The following AP2B1 variants were observed in gnomAD, a reference collection of about 807,000 sequenced individuals.
AP2B1 encodes the protein adaptor related protein complex 2 subunit beta 1.
In AP2B1, 23 loss-of-function variants were observed where a neutral mutation model predicts 102.0. The ratio of observed to expected loss-of-function variants is 0.23; its 90% CI spans 0.16 to 0.32. The LOEUF (loss-of-function observed/expected upper bound fraction) is 0.32, where lower values mean the gene tolerates loss of function less well. Among genes scored for constraint, AP2B1 ranks in the 10% least tolerant of loss-of-function variants. The pLI, the probability that AP2B1 is intolerant of heterozygous loss-of-function variation, is 1.00. For missense variants in AP2B1, 541 were observed against 1,157.4 expected, an observed-to-expected ratio of 0.47 and a Z score of 7.73; for synonymous variants, 381 against 421.2, an observed-to-expected ratio of 0.90 and a Z score of 1.17.
chr17:35,672,995 C>G (rs1437029807), intron 16 of AP2B1, among the ~76,000 whole-genome samples: 1 of 152,120 alleles, frequency 6.6e-6, no homozygotes, highest in African/African-American at 2.4e-5. Context: ...TGGTTTTTCT[C>G]TACCATATTC....
chr17:35,638,789 GAAAAA>G (rs11286699), intron 10 of AP2B1, among the ~76,000 whole-genome samples: 2 of 110,544 alleles, frequency 1.8e-5, no homozygotes, highest in African/African-American at 3.5e-5. Flanking sequence ...ACTCCGTCTT[GAAAAA>G]AAAAAAAAAA....
chr17:35,656,763 T>C (rs1246118620), intron 13 of AP2B1, among the ~76,000 whole-genome samples: 1 of 151,706 alleles, frequency 6.6e-6, no homozygotes, highest in Non-Finnish European at 1.5e-5. Flanking sequence ...TGGGCGCCTG[T>C]AGTCCCAACT....
chr17:35,670,908 A>G lies in AP2B1; in HGVS notation c.2031+10A>G, dbSNP rs775494023. ...TGGAGGAAGTCCGGCAGTAAGTGCC[A>G]TCTGTTTTTTTCACCATGAGAAGCA... On this transcript the variant is annotated intron_variant, in intron 15 of 21. Coordinates refer to ENST00000610402, the MANE Select transcript of AP2B1 (RefSeq NM_001030006.2). 17 of 1,613,764 alleles carry G rather than the reference A, an allele frequency of 1.1e-5. No individual in the cohort carries two copies. The highest frequency in any genetic ancestry group is 1.7e-6 in the Non-Finnish European group (2 of 1,179,946).
chr17:35,715,318 A>T (rs1041840416), intron 20 of AP2B1, among the ~76,000 whole-genome samples: 2 of 152,230 alleles, frequency 1.3e-5, no homozygotes, highest in Non-Finnish European at 2.9e-5. Context: ...AGAGACAGAG[A>T]GAGTTTCTTA....
chr17:35,677,860 G>GTTT (rs35198677), intron 17 of AP2B1, among the ~76,000 whole-genome samples: 1 of 127,974 alleles, frequency 7.8e-6, no homozygotes, highest in Admixed American at 7.7e-5. Context: ...ATAGTAAATA[G>GTTT]TTTTTTTTTT....
intron 18 of AP2B1, among the ~76,000 whole-genome samples, chr17:35,687,290 T>A (rs1008127099): frequency 1.3e-5 from 2 of 151,972 alleles, no homozygotes; most frequent in Admixed American, 6.6e-5. Flanking sequence ...TTATATTTTT[T>A]AAAATTTTTT....
At chr17:35,605,365 C>T (rs2073640074) in intron 3 of AP2B1, among the ~76,000 whole-genome samples, 1 of 151,876 alleles carries the variant, frequency 6.6e-6, no homozygotes, top group Admixed American at 6.6e-5. Context: ...TCTCCTGTCT[C>T]AGCCTCCTGA....
At chr17:35,600,633 A>G (rs2142348898) in intron 3 of AP2B1, among the ~76,000 whole-genome samples, 1 of 152,346 alleles carries the variant, frequency 6.6e-6, no homozygotes, top group Admixed American at 6.5e-5. Context: ...AAAAATAAAA[A>G]AGCAGTGTCA....
At chr17:35,664,815 A>G (rs529792504) in intron 14 of AP2B1, among the ~76,000 whole-genome samples, 5 of 152,298 alleles carry the variant, frequency 3.3e-5, no homozygotes, top group Middle Eastern at 3.4e-3. Context: ...CAGAATAAAG[A>G]GGTTCTCTTG....
At chr17:35,694,870 AAG>A in intron 18 of AP2B1, among the ~76,000 whole-genome samples, 1 of 152,258 alleles carries the variant, frequency 6.6e-6, no homozygotes, top group East Asian at 1.9e-4. Flanking sequence ...GGAACAGAGC[AAG>A]ACTTCATCTC....
At chr17:35,624,891 T>A (rs1371336901) in intron 6 of AP2B1, among the ~76,000 whole-genome samples, 1 of 152,166 alleles carries the variant, frequency 6.6e-6, no homozygotes, top group African/African-American at 2.4e-5. Context: ...GTATCTCTCT[T>A]TGGGGTGACA....
chr17:35,614,655 TAAAAAAAAA>T (rs3031833), intron 5 of AP2B1, among the ~76,000 whole-genome samples: 2 of 93,168 alleles, frequency 2.1e-5, no homozygotes, highest in Non-Finnish European at 4.0e-5. Context: ...GTTGAATTAG[TAAAAAAAAA>T]AAAAAAAAAA....
chr17:35,645,800 G>T (rs1469543461), intron 12 of AP2B1, among the ~76,000 whole-genome samples: 1 of 152,180 alleles, frequency 6.6e-6, no homozygotes, highest in Non-Finnish European at 1.5e-5. Context: ...AGTGAGCCAA[G>T]ATCGTGCCAT....
rs1480168759 is a variant in AP2B1 at position 35,724,649 on chromosome 17, C to G, written c.*950C>G. ...TAATAACTTATCTAACCCTCTTTTCCTACAAAGGAGAAAGATAAAAGGCAC... is the reference window on the plus strand; with the variant it reads ...TAATAACTTATCTAACCCTCTTTTCGTACAAAGGAGAAAGATAAAAGGCAC... On this transcript the variant is annotated 3_prime_UTR_variant, in exon 22 of 22. Coordinates refer to ENST00000610402, the MANE Select transcript of AP2B1 (RefSeq NM_001030006.2). 1 of 152,138 alleles carries G rather than the reference C, an allele frequency of 6.6e-6. No individual in the cohort carries two copies. Among genetic ancestry groups the G allele is most frequent in the Non-Finnish European group, 1.5e-5 (1 of 68,036 alleles). The allele number at this position is 152,138 out of a possible 1,614,324, so 9.4% of individuals were successfully genotyped here. A position where few individuals can be genotyped will look rare whatever the true frequency, so the allele number is the denominator to read the frequency against.
chr17:35,670,935 T>C, intron 15 of AP2B1, 37 bp downstream of exon 15: 1 of 1,609,646 alleles, frequency 6.2e-7, no homozygotes, highest in Non-Finnish European at 8.5e-7. Context: ...TGAGAAGCAC[T>C]GCCCCCTGTT....
At chr17:35,606,298 G>C (rs1277070395) in intron 4 of AP2B1, among the ~76,000 whole-genome samples, 110 of 150,984 alleles carry the variant, frequency 7.3e-4, no homozygotes, top group Admixed American at 7.2e-3. Flanking sequence ...GGAGTGCAGT[G>C]GCACGATCTT....
At chr17:35,678,959 GTTGT>G (rs71366473) in intron 17 of AP2B1, among the ~76,000 whole-genome samples, 94,101 of 151,006 alleles carry the variant, frequency 0.62, 29,345 homozygotes, top group Non-Finnish European at 0.65. Flanking sequence ...AGCTAGCATT[GTTGT>G]TTGTTTGTTT....
At chr17:35,717,953 C>T (rs2085227513) in intron 21 of AP2B1, among the ~76,000 whole-genome samples, 1 of 152,180 alleles carries the variant, frequency 6.6e-6, no homozygotes, top group Admixed American at 6.5e-5. Context: ...CTTTGTTAAA[C>T]AGCAGATTGA....
intron 9 of AP2B1, among the ~76,000 whole-genome samples, chr17:35,634,875 C>A (rs2074561412): frequency 6.6e-6 from 1 of 152,150 alleles, no homozygotes; most frequent in Non-Finnish European, 1.5e-5. Flanking sequence ...CAGTTAAAGA[C>A]CTCCTACTTT....
Sources: allele counts gnomAD v4.1 joint callset (sites outside exome capture counted in the v4.1 genomes callset), GRCh38; gene constraint gnomAD v4.1.1; transcripts MANE v1.5; gene names NCBI Gene and HGNC (gene_info 2026-07-23, HGNC 2026-07-21).